Variants in CHD7 observed in about 807,000 individuals in gnomAD.
CHD7 encodes chromodomain helicase DNA binding protein 7, also known as ATP-dependent chromatin remodeler CHD7.
CHD7 carries 24 observed loss-of-function variants against 307.3 expected under a neutral mutation model. That is an observed-to-expected ratio of 0.08 (90% confidence interval 0.06 to 0.11). The LOEUF is 0.11. Ranked by LOEUF, CHD7 falls within the 10% of genes least tolerant of loss-of-function variation. CHD7 has a pLI of 1.00. For missense variants in CHD7, 3,106 were observed against 3,727.1 expected (o/e 0.83, Z 4.34); for synonymous variants, 1,363 against 1,349.9 (o/e 1.01, Z -0.21).
At chr8:60,766,937 A>G (rs1267785367) in intron 2 of CHD7, among the ~76,000 whole-genome samples, 1 of 152,242 alleles carries the variant, frequency 6.6e-6, no homozygotes, top group East Asian at 1.9e-4. Flanking sequence ...TGGGAGAGAA[A>G]AAAGCACAGA....
intron 36 of CHD7, 68 bp downstream of exon 36, chr8:60,862,404 CCTT>C (rs1188697085): frequency 2.6e-6 from 4 of 1,528,728 alleles, no homozygotes; most frequent in South Asian, 1.3e-5. Flanking sequence ...TTTTATCCTG[CCTT>C]CTTCTATAGG....
At chr8:60,807,382 A>C (rs2150722063) in intron 6 of CHD7, among the ~76,000 whole-genome samples, 1 of 152,362 alleles carries the variant, frequency 6.6e-6, no homozygotes, top group East Asian at 1.9e-4. Context: ...TCCAGAAGGA[A>C]ATTACATATT....
At chr8:60,707,934 T>G (rs1414135389) in intron 1 of CHD7, among the ~76,000 whole-genome samples, 1 of 152,232 alleles carries the variant, frequency 6.6e-6, no homozygotes, top group Non-Finnish European at 1.5e-5. Context: ...CGTGTATGTC[T>G]GTCAAAGCAT....
intron 4 of CHD7, among the ~76,000 whole-genome samples, 168 bp downstream of exon 4, chr8:60,795,295 C>T (rs562825289): frequency 3.3e-5 from 5 of 152,140 alleles, no homozygotes; most frequent in African/African-American, 1.2e-4. Context: ...GGGGAGCGGG[C>T]GTGGAACAAG....
intron 2 of CHD7, among the ~76,000 whole-genome samples, chr8:60,768,156 T>A (rs1810559223): frequency 6.6e-6 from 1 of 152,166 alleles, no homozygotes; most frequent in African/African-American, 2.4e-5. Flanking sequence ...CATTTTTACT[T>A]CCCCCACCCC....
chr8:60,830,381 A>G lies in CHD7; in HGVS notation c.3582A>G (p.Val1194=). Residue 1194 remains valine (V), a synonymous_variant, in exon 15 of 38, where the codon GTA becomes GTG. Coordinates refer to ENST00000423902, the MANE Select transcript of CHD7 (RefSeq NM_017780.4). Reference sequence around the variant, plus strand: ...TGTTGAGACGTCTCAAAGAGGATGTAGAAAAGAACTTGGCCCCCAAAGAAG... The same window carrying G: ...TGTTGAGACGTCTCAAAGAGGATGTGGAAAAGAACTTGGCCCCCAAAGAAG... ...PMMLRRLKED[V]EKNLAPKEET... The G allele has an allele frequency of 6.2e-7, 1 of 1,614,040 alleles. No individual in the cohort carries two copies.
rs1806255676 is a variant in CHD7, at chr8:60,866,706, A to C, written c.*773A>C. ...AAGGACTTTGTTACTTTAGCCACAA[A>C]GCTAAAACAGCATTACCTCAGCTCT... On this transcript the variant is annotated 3_prime_UTR_variant, in exon 38 of 38. Transcript: ENST00000423902. The C allele has an allele frequency of 6.5e-6, 1 of 152,676 alleles. No individual in the cohort carries two copies. The highest frequency in any genetic ancestry group is 2.4e-5 in the African/African-American group (1 of 41,466). The allele number at this position is 152,676 out of a possible 1,614,324, so 9.5% of individuals were successfully genotyped here. A position where few individuals can be genotyped will look rare whatever the true frequency, so the allele number is the denominator to read the frequency against.
rs758228667 is a variant in CHD7 at position 60,742,693 on chromosome 8, C to A, written c.1261C>A (p.Pro421Thr). 1.2e-6 allele frequency: 2 copies of A among 1,611,982 alleles called. No homozygotes were observed. The highest frequency in any genetic ancestry group is 4.5e-5 in the East Asian group (2 of 44,868). Residue 421 changes from proline to threonine, a missense_variant, in exon 2 of 38, where the codon CCA (proline) becomes ACA (threonine). Physicochemically the swap from Pro to Thr is conservative, Grantham distance 38 (BLOSUM62 -1). Transcript: ENST00000423902. ...AGTCAGGCCGGGAAGTGCTGGGATA[C>A]CAATGGAAGTTGGCAGTTATCCAAA... ...PQVRPGSAGI[P>T]MEVGSYPNMP...
At chr8:60,863,032 A>AC in intron 37 of CHD7, 1 of 170,226 alleles carries the variant, frequency 5.9e-6, no homozygotes, top group Admixed American at 6.2e-5. Context: ...ACAAAACAAA[A>AC]ATACAACAGT....
intron 1 of CHD7, among the ~76,000 whole-genome samples, chr8:60,709,309 T>C (rs962738124): frequency 1.3e-5 from 2 of 152,216 alleles, no homozygotes; most frequent in African/African-American, 4.8e-5. Flanking sequence ...TATGCTTGAC[T>C]GGAACTCAGC....
rs577054279 is a variant in CHD7, at chr8:60,741,343, A to G, written c.-90A>G. 2.3e-6 allele frequency: 2 copies of G among 885,086 alleles called. No homozygotes were observed. The highest frequency in any genetic ancestry group is 1.7e-5 in the South Asian group (1 of 57,372). The allele number at this position is 885,086 out of a possible 1,614,324, so 54.8% of individuals were successfully genotyped here. ...ATGACATGAAGAAGATTAGTTAAGG[A>G]TTATAGGCTTTGAGGGCAAACACCT... On this transcript the variant is annotated 5_prime_UTR_variant, in exon 2 of 38. Coordinates refer to ENST00000423902, the MANE Select transcript of CHD7 (RefSeq NM_017780.4).
At position 60,801,537 on chromosome 8, in the gene CHD7, G is replaced by A; in HGVS notation, c.2386G>A (p.Asp796Asn). 1.3e-6 allele frequency: 2 copies of A among 1,571,674 alleles called. No homozygotes were observed. The highest frequency in any genetic ancestry group is 1.2e-5 in the South Asian group (1 of 85,340). The change falls in exon 6 of 38, where the codon GAT (aspartate) becomes AAT (asparagine). Residue 796 changes from aspartate to asparagine, a missense_variant. Physicochemically the swap from Asp to Asn is conservative, Grantham distance 23 (BLOSUM62 1). Coordinates refer to ENST00000423902, the MANE Select transcript of CHD7 (RefSeq NM_017780.4). ...ATGCCTTTTTTTTTAGGAATCTGTT[G>A]ATGCAGAAGGCCCAGTGGTAGAAAA... Reference protein sequence around the residue: ...TSQSEQQESVDAEGPVVEKIM... With the variant: ...TSQSEQQESVNAEGPVVEKIM...
At chr8:60,769,865 G>A (rs919262625) in intron 2 of CHD7, among the ~76,000 whole-genome samples, 4 of 152,112 alleles carry the variant, frequency 2.6e-5, no homozygotes, top group African/African-American at 4.8e-5. Context: ...TTGTATTTTG[G>A]TGTATACTTG....
chr8:60,742,118 C>T lies in CHD7; in HGVS notation c.686C>T (p.Thr229Ile), dbSNP rs1809062333. 3 of 1,613,864 alleles carry T rather than the reference C, an allele frequency of 1.9e-6. No individual in the cohort carries two copies. Among genetic ancestry groups the T allele is most frequent in the Non-Finnish European group, 2.5e-6 (3 of 1,179,880 alleles). Reference protein sequence around the residue: ...GLNQGNPFIATSGPGHLSHVP... With the variant: ...GLNQGNPFIAISGPGHLSHVP... ...AATCAGGGAAATCCTTTTATTGCCA[C>T]CTCAGGACCTGGCCACTTGTCCCAC... is the stretch of plus-strand genomic sequence containing the variant. The change falls in exon 2 of 38, where the codon ACC becomes ATC. Residue 229 changes from threonine (T) to isoleucine (I), a missense_variant. Thr to Ile is a moderately conservative substitution (Grantham distance 89). Around this residue, in one of 10 missense-constraint regions of CHD7, gnomAD observed 998 missense variants for 1,004.5 expected, o/e 0.99. Coordinates refer to ENST00000423902, the MANE Select transcript of CHD7 (RefSeq NM_017780.4).
At position 60,867,188 on chromosome 8, in the gene CHD7, G is replaced by T. The variant is rs1265778225; in HGVS notation, c.*1255G>T. ...TCTGAGACCGAGAATACTTAGAAAT[G>T]TGTGCAGCGTGTGATAATGTGGTAC... On this transcript the variant is annotated 3_prime_UTR_variant, in exon 38 of 38. Transcript: ENST00000423902. 1 of 152,220 alleles carries T rather than the reference G, an allele frequency of 6.6e-6. No homozygotes were observed. Among genetic ancestry groups the T allele is most frequent in the African/African-American group, 2.4e-5 (1 of 41,452 alleles). 9.4% of individuals were successfully genotyped at this position (152,220 alleles called of 1,614,324 possible). A position where few individuals can be genotyped will look rare whatever the true frequency, so the allele number is the denominator to read the frequency against.
chr8:60,693,874 C>A (rs6995557), intron 1 of CHD7, among the ~76,000 whole-genome samples: 124,864 of 152,310 alleles, frequency 0.82, 51,504 homozygotes, highest in East Asian at 0.94. Context: ...TGTGAGCCCC[C>A]ATGGGGAACT....
At position 60,801,608 on chromosome 8, in the gene CHD7, A is replaced by T; in HGVS notation, c.2442+15A>T. On this transcript the variant is annotated intron_variant, in intron 6 of 37. Coordinates refer to ENST00000423902, the MANE Select transcript of CHD7 (RefSeq NM_017780.4). ...TAAAAAAGCAGGTGAGTGCCATTGG[A>T]GCCATTAAAATCTGTGAGGTGTATG... The T allele has an allele frequency of 6.5e-7, 1 of 1,549,840 alleles. No individual in the cohort carries two copies.
intron 1 of CHD7, among the ~76,000 whole-genome samples, chr8:60,721,430 G>T (rs1054345474): frequency 6.6e-6 from 1 of 152,204 alleles, no homozygotes; most frequent in Admixed American, 6.5e-5. Context: ...TGGACTTCCA[G>T]TCTCCAGAAC....
At chr8:60,741,172 G>A (rs576675580) in intron 1 of CHD7, 87 bp from the exon 2 acceptor site, 14 of 485,934 alleles carry the variant, frequency 2.9e-5, no homozygotes, top group Admixed American at 2.5e-4. Flanking sequence ...ACCAAATTCA[G>A]ATGTACAAAA....
Sources: allele counts gnomAD v4.1 joint callset (sites outside exome capture counted in the v4.1 genomes callset), GRCh38; gene constraint gnomAD v4.1.1; regional missense constraint gnomAD v4.1.1; transcripts MANE v1.5; gene names NCBI Gene and HGNC (gene_info 2026-07-23, HGNC 2026-07-21).